The following SPIDR variants were observed in gnomAD, a reference collection of about 807,000 sequenced individuals.
The protein encoded by SPIDR is scaffold protein involved in DNA repair.
A neutral mutation model predicts 104.6 loss-of-function variants in SPIDR; 93 were observed. The ratio of observed to expected loss-of-function variants is 0.89; its 90% CI spans 0.75 to 1.06. The LOEUF (loss-of-function observed/expected upper bound fraction) is 1.06. Among genes scored for constraint, SPIDR ranks in the 50% least tolerant of loss-of-function variants. The probability of loss-of-function intolerance (pLI) is 0.00; values close to 1 mark genes in which losing one functional copy is unlikely to be tolerated. For synonymous variants in SPIDR, 431 were observed against 416.9 expected (o/e 1.03, Z -0.41); for missense variants, 1,154 against 1,111.2 (o/e 1.04, Z -0.55).
intron 5 of SPIDR, among the ~76,000 whole-genome samples, chr8:47,319,966 A>G (rs201743889): frequency 5.3e-5 from 8 of 151,886 alleles, no homozygotes; most frequent in African/African-American, 7.2e-5. Context: ...AGGGAAATTT[A>G]TAGCACTAAA....
chr8:47,487,196 G>GA (rs2077791923), intron 8 of SPIDR, among the ~76,000 whole-genome samples: 1 of 151,926 alleles, frequency 6.6e-6, no homozygotes, highest in South Asian at 2.1e-4. Context: ...ACAAAAAGGG[G>GA]TTGCAATCCT....
intron 8 of SPIDR, among the ~76,000 whole-genome samples, chr8:47,503,835 G>A (rs183815662): frequency 5.9e-5 from 9 of 152,266 alleles, no homozygotes; most frequent in African/African-American, 1.9e-4. Context: ...GCCTGGTGGT[G>A]ACAAAATCTC....
chr8:47,639,718 C>T (rs1337886099), intron 10 of SPIDR, among the ~76,000 whole-genome samples: 7 of 152,032 alleles, frequency 4.6e-5, no homozygotes, highest in Non-Finnish European at 7.4e-5. Flanking sequence ...GAGGCCGAGG[C>T]GGGTGGGTCA....
At chr8:47,526,677 G>GT in intron 8 of SPIDR, among the ~76,000 whole-genome samples, 1 of 152,212 alleles carries the variant, frequency 6.6e-6, no homozygotes, top group South Asian at 2.1e-4. Flanking sequence ...TCCAGGAACT[G>GT]TAACAAGACA....
chr8:47,327,505 A>G (rs2047885785), intron 5 of SPIDR, among the ~76,000 whole-genome samples: 2 of 151,710 alleles, frequency 1.3e-5, no homozygotes, highest in Non-Finnish European at 2.9e-5. Flanking sequence ...GGCTCAGGTA[A>G]TTCTCCCACC....
intron 3 of SPIDR, among the ~76,000 whole-genome samples, chr8:47,286,185 T>C (rs964788042): frequency 4.1e-4 from 62 of 152,250 alleles, no homozygotes; most frequent in Non-Finnish European, 7.2e-4. Flanking sequence ...ACTAAACTAA[T>C]GGTGAAAGCA....
chr8:47,625,890 G>T (rs929276502), intron 10 of SPIDR, among the ~76,000 whole-genome samples: 9 of 151,922 alleles, frequency 5.9e-5, no homozygotes, highest in Admixed American at 1.3e-4. Flanking sequence ...AAAACTACTT[G>T]AAAGTTCATA....
chr8:47,592,260 G>C, intron 8 of SPIDR: 1 of 1,255,310 alleles, frequency 8.0e-7, no homozygotes. Flanking sequence ...TCTGGATTGG[G>C]AGCACATAAC....
intron 11 of SPIDR, among the ~76,000 whole-genome samples, chr8:47,697,539 C>T (rs2955069): frequency 0.99 from 151,382 of 152,286 alleles, 75,248 homozygotes; most frequent in Middle Eastern, 1. Flanking sequence ...GGAAAGCACG[C>T]GTGGGCTCCT....
chr8:47,284,101 A>G lies in SPIDR; in HGVS notation c.256+7A>G, dbSNP rs1050635302. On this transcript the variant is annotated splice_region_variant and intron_variant, in intron 3 of 19. Coordinates refer to ENST00000297423, the MANE Select transcript of SPIDR (RefSeq NM_001080394.4). ...TGCCCTAGACCCAAGCAAGGTAACT[A>G]TTTTGTTGATTTCTTGACAGAGAAG... 2.3e-5 allele frequency: 36 copies of G among 1,598,834 alleles called. No homozygotes were observed. The African/African-American group carries it at 4.4e-4, about 20-fold the overall frequency.
chr8:47,693,905 G>A (rs1368338947), intron 11 of SPIDR, among the ~76,000 whole-genome samples: 4 of 152,224 alleles, frequency 2.6e-5, no homozygotes, highest in African/African-American at 9.6e-5. Context: ...CCACAGCAGC[G>A]CTAAGAGCCC....
intron 8 of SPIDR, among the ~76,000 whole-genome samples, chr8:47,491,985 G>A (rs2078796298): frequency 6.6e-6 from 1 of 152,204 alleles, no homozygotes; most frequent in Non-Finnish European, 1.5e-5. Context: ...GGCAGTACAG[G>A]AGGAACGAGG....
At chr8:47,566,106 A>G (rs1171111349) in intron 8 of SPIDR, among the ~76,000 whole-genome samples, 1 of 141,950 alleles carries the variant, frequency 7.0e-6, no homozygotes, top group Non-Finnish European at 1.5e-5. Flanking sequence ...TCCCAGGTTC[A>G]AGCGATTCTC....
intron 5 of SPIDR, among the ~76,000 whole-genome samples, chr8:47,389,293 G>A (rs2060293693): frequency 6.6e-6 from 1 of 152,088 alleles, no homozygotes; most frequent in South Asian, 2.1e-4. Context: ...GGAAAAATAT[G>A]GAAAATGTAA....
chr8:47,278,096 C>CT (rs71225674), intron 1 of SPIDR, among the ~76,000 whole-genome samples: 63,684 of 137,156 alleles, frequency 0.46, 17,245 homozygotes, highest in African/African-American at 0.76. Context: ...TTTTCTTTCT[C>CT]TTTTTTTTTT....
intron 8 of SPIDR, among the ~76,000 whole-genome samples, chr8:47,466,677 A>G (rs1187327820): frequency 1.3e-5 from 2 of 150,614 alleles, no homozygotes; most frequent in African/African-American, 2.5e-5. Flanking sequence ...CCTGGTCAAC[A>G]TGGTGAAACC....
At chr8:47,521,542 GC>G (rs759463577) in intron 8 of SPIDR, among the ~76,000 whole-genome samples, 68 of 150,844 alleles carry the variant, frequency 4.5e-4, no homozygotes, top group Non-Finnish European at 8.3e-4. Context: ...TCCTGCCTTA[GC>G]CTCCGGAGTA....
At chr8:47,602,583 T>C (rs1483189794) in intron 10 of SPIDR, among the ~76,000 whole-genome samples, 1 of 152,210 alleles carries the variant, frequency 6.6e-6, no homozygotes, top group Non-Finnish European at 1.5e-5. Context: ...GTCAGGTGGT[T>C]GCTGATGAAA....
At chr8:47,711,555 G>A (rs916741824) in intron 14 of SPIDR, among the ~76,000 whole-genome samples, 4 of 151,954 alleles carry the variant, frequency 2.6e-5, no homozygotes, top group African/African-American at 7.3e-5. Context: ...GCCAAGATCC[G>A]GGTTCTAGGT....
Sources: allele counts gnomAD v4.1 joint callset (sites outside exome capture counted in the v4.1 genomes callset), GRCh38; gene constraint gnomAD v4.1.1; transcripts MANE v1.5; gene names NCBI Gene and HGNC (gene_info 2026-07-23, HGNC 2026-07-21).